TNKS: variants seen among roughly 807,000 people sequenced by gnomAD.
TNKS encodes the protein tankyrase, also known as poly [ADP-ribose] polymerase tankyrase-1.
Under a neutral mutation model 135.8 loss-of-function variants are expected in TNKS, and 72 were observed. The observed-to-expected ratio is 0.53, with a 90% confidence interval of 0.44 to 0.64. The LOEUF (loss-of-function observed/expected upper bound fraction) is 0.64. Among genes scored for constraint, TNKS ranks in the 30% least tolerant of loss-of-function variants. The pLI, the probability that TNKS is intolerant of heterozygous loss-of-function variation, is 0.00. For synonymous variants in TNKS, 849 were observed against 649.3 expected (o/e 1.31, Z -4.68); for missense variants, 1,769 against 1,674.0 (o/e 1.06, Z -0.99).
chr8:9,769,084 T>A (rs77278426), intron 25 of TNKS, among the ~76,000 whole-genome samples: 5,461 of 152,292 alleles, frequency 0.036, 165 homozygotes, highest in Non-Finnish European at 0.054. Context: ...GACATTTTCT[T>A]TAAGGGATAT....
chr8:9,693,448 T>A (rs979096563), intron 5 of TNKS, among the ~76,000 whole-genome samples: 5 of 152,198 alleles, frequency 3.3e-5, no homozygotes, highest in Non-Finnish European at 5.9e-5. Context: ...GGAAGAGGGC[T>A]TGTTTGGCTG....
chr8:9,598,705 A>ATGTGTGTGTGTGTG (rs376761155), intron 2 of TNKS, among the ~76,000 whole-genome samples: 36 of 108,230 alleles, frequency 3.3e-4, no homozygotes, highest in African/African-American at 1.2e-3. Flanking sequence ...TGTCTAAAAT[A>ATGTGTGTGTGTGTG]TGTGTGTGTG....
chr8:9,557,109 C>T (rs1196610006), intron 1 of TNKS: 2 of 164,270 alleles, frequency 1.2e-5, no homozygotes, highest in African/African-American at 4.8e-5. Flanking sequence ...AGTTTCCCTT[C>T]TTCTAAAGAA....
At chr8:9,560,869 G>A (rs1157549917) in intron 1 of TNKS, among the ~76,000 whole-genome samples, 1 of 151,664 alleles carries the variant, frequency 6.6e-6, no homozygotes, top group Non-Finnish European at 1.5e-5. Flanking sequence ...AAAAAAAAAA[G>A]TTTACAGAGA....
intron 25 of TNKS, among the ~76,000 whole-genome samples, chr8:9,767,725 C>T (rs968191622): frequency 6.6e-6 from 1 of 151,844 alleles, no homozygotes; most frequent in Non-Finnish European, 1.5e-5. Context: ...TTTGGGAGGC[C>T]GAGGCGGGCA....
chr8:9,681,926 T>C (rs979987001), intron 5 of TNKS, among the ~76,000 whole-genome samples: 1 of 152,150 alleles, frequency 6.6e-6, no homozygotes, highest in Non-Finnish European at 1.5e-5. Context: ...AGTATTTTGT[T>C]TCTCTGGGTA....
chr8:9,616,689 G>A (rs1799657440), intron 3 of TNKS, among the ~76,000 whole-genome samples: 1 of 152,094 alleles, frequency 6.6e-6, no homozygotes, highest in Non-Finnish European at 1.5e-5. Flanking sequence ...ACTTTGCACT[G>A]TGCTAAAATC....
chr8:9,761,572 C>G lies in TNKS; in HGVS notation c.3210C>G (p.Ile1070Met). ...ATGAAGAGTTGAAAGAAATAGGCAT[C>G]AATGCATATGGGCACCGCCACAAAT... The part of the protein sequence containing the change: ...MGHEELKEIG[I>M]NAYGHRHKLI... Residue 1070 changes from isoleucine to methionine, a missense_variant, in exon 21 of 27, where the codon ATC (isoleucine) becomes ATG (methionine). Around this residue, in one of 5 missense-constraint regions of TNKS, gnomAD observed 722 missense variants for 688.9 expected, o/e 1.05. Coordinates refer to ENST00000310430, the MANE Select transcript of TNKS (RefSeq NM_003747.3). The G allele has an allele frequency of 1.2e-6, 2 of 1,610,660 alleles. No individual in the cohort carries two copies. The highest frequency in any genetic ancestry group is 1.7e-6 in the Non-Finnish European group (2 of 1,179,014).
intron 3 of TNKS, chr8:9,670,787 G>T (rs1329229095): frequency 6.6e-6 from 1 of 152,184 alleles, no homozygotes. Flanking sequence ...GCCTTGCTAT[G>T]ATGTAAGACA....
chr8:9,601,371 G>C (rs756931003), intron 2 of TNKS, among the ~76,000 whole-genome samples: 8 of 152,126 alleles, frequency 5.3e-5, no homozygotes, highest in Non-Finnish European at 1.0e-4. Flanking sequence ...TGAGATATCT[G>C]CACAAGTACT....
chr8:9,715,927 C>T (rs1804580895), intron 11 of TNKS, among the ~76,000 whole-genome samples: 1 of 152,110 alleles, frequency 6.6e-6, no homozygotes, highest in African/African-American at 2.4e-5. Context: ...CCCTGGCATT[C>T]TGCATTCTGT....
intron 1 of TNKS, among the ~76,000 whole-genome samples, chr8:9,579,741 G>C (rs1450119043): frequency 1.3e-5 from 2 of 152,126 alleles, no homozygotes; most frequent in African/African-American, 4.8e-5. Context: ...AGTGCTGTGA[G>C]GGTGTGAGCC....
intron 2 of TNKS, among the ~76,000 whole-genome samples, chr8:9,603,056 T>C (rs558804380): frequency 2.8e-4 from 42 of 152,122 alleles, no homozygotes; most frequent in African/African-American, 9.9e-4. Flanking sequence ...AATTTAACTA[T>C]GACTTTTTTT....
chr8:9,699,959 A>G (rs1467940185), intron 5 of TNKS, among the ~76,000 whole-genome samples: 2 of 152,304 alleles, frequency 1.3e-5, no homozygotes, highest in Admixed American at 6.5e-5. Context: ...TTGTCCACTG[A>G]ATATTAACAT....
intron 5 of TNKS, among the ~76,000 whole-genome samples, chr8:9,700,508 C>G (rs902514962): frequency 1.3e-5 from 2 of 152,194 alleles, no homozygotes; most frequent in Admixed American, 6.5e-5. Context: ...GTAAGTCTCT[C>G]TCTCTGACAT....
Position 9,744,139 on chromosome 8 carries a change from T to C in TNKS, c.2644-3885T>C, listed in dbSNP as rs62489366. On this transcript the variant is annotated intron_variant, in intron 17 of 26. Coordinates refer to ENST00000310430, the MANE Select transcript of TNKS (RefSeq NM_003747.3). The stretch of plus-strand genomic sequence containing the variant: ...TTATTTAAGAAGCATCAATAAAAAT[T>C]ACAAGTTGCATGAGAGTTGATATTA... 7.5e-3 allele frequency among the ~76,000 whole-genome samples: 1,140 copies of C among 152,292 alleles called. 4 individuals are homozygous for C. The highest frequency in any genetic ancestry group is 0.017 in the Middle Eastern group (5 of 294).
chr8:9,776,009 A>T (rs565860530), intron 26 of TNKS, among the ~76,000 whole-genome samples: 1 of 152,180 alleles, frequency 6.6e-6, no homozygotes, highest in East Asian at 1.9e-4. Flanking sequence ...GCTCCCACCA[A>T]GAAGAACTCT....
In TNKS at chr8:9,760,802, C is replaced by T. The variant is rs6994452; in HGVS notation, c.3154-714C>T. ...AGGATGAATAACCAAAAGTTAAAAA[C>T]TAACCAAAAATTAAAAAGCACTATG... On this transcript the variant is annotated intron_variant, in intron 20 of 26. Coordinates refer to ENST00000310430, the MANE Select transcript of TNKS (RefSeq NM_003747.3). 4.5e-4 allele frequency among the ~76,000 whole-genome samples: 68 copies of T among 152,144 alleles called. No homozygotes were observed. The East Asian group carries it at 0.012, about 27-fold the overall frequency.
intron 1 of TNKS, among the ~76,000 whole-genome samples, chr8:9,568,772 A>T (rs542318519): frequency 3.3e-5 from 5 of 152,164 alleles, no homozygotes; most frequent in Admixed American, 1.3e-4. Flanking sequence ...AAATATTTTA[A>T]TAGCATTGTC....
Sources: allele counts gnomAD v4.1 joint callset (sites outside exome capture counted in the v4.1 genomes callset), GRCh38; gene constraint gnomAD v4.1.1; regional missense constraint gnomAD v4.1.1; transcripts MANE v1.5; gene names NCBI Gene and HGNC (gene_info 2026-07-23, HGNC 2026-07-21).